The following RGS7 variants were observed in gnomAD, a reference collection of about 807,000 sequenced individuals.
RGS7 encodes the protein regulator of G protein signaling 7.
In RGS7, 27 loss-of-function variants were observed where a neutral mutation model predicts 81.1. The observed-to-expected ratio is 0.33, with a 90% CI of 0.25 to 0.46. The LOEUF (loss-of-function observed/expected upper bound fraction) is 0.46. Among genes scored for constraint, RGS7 ranks in the 20% least tolerant of loss-of-function variants. RGS7 has a pLI of 1.00. For missense variants in RGS7, 396 were observed against 607.4 expected (o/e 0.65, Z 3.66); for synonymous variants, 208 against 207.7 (o/e 1.00, Z -0.01).
At chr1:241,211,668 C>T (rs183488517) in intron 2 of RGS7, among the ~76,000 whole-genome samples, 2 of 152,222 alleles carry the variant, frequency 1.3e-5, no homozygotes, top group African/African-American at 2.4e-5. Flanking sequence ...AATTGAACTT[C>T]GAGCACTTTG....
intron 2 of RGS7, among the ~76,000 whole-genome samples, chr1:241,192,206 GTTT>G: frequency 7.4e-6 from 1 of 135,246 alleles, no homozygotes; most frequent in Non-Finnish European, 1.6e-5. Flanking sequence ...GTGTGTGTGT[GTTT>G]TGCTTTGATT....
chr1:240,936,556 C>A (rs373026370), intron 5 of RGS7, 44 bp downstream of exon 5: 38 of 1,411,538 alleles, frequency 2.7e-5, no homozygotes, highest in Non-Finnish European at 3.6e-5. Flanking sequence ...AAACGAAATG[C>A]GGGCTTCTAG....
intron 2 of RGS7, among the ~76,000 whole-genome samples, chr1:241,274,572 T>C (rs1391090649): frequency 6.6e-6 from 1 of 152,196 alleles, no homozygotes; most frequent in Non-Finnish European, 1.5e-5. Context: ...GCAGATATAA[T>C]TATGACATTA....
rs769211027 is a variant in RGS7 at position 241,163,358 on chromosome 1, A to T, written c.79-64596T>A. Reference sequence around the variant, plus strand: ...AAATATCTCAAAACATCCTTCTCGGACATATTTTGAGATGGATGTTCAGAG... The same window carrying T: ...AAATATCTCAAAACATCCTTCTCGGTCATATTTTGAGATGGATGTTCAGAG... On this transcript the variant is annotated intron_variant, in intron 2 of 18. Coordinates refer to ENST00000440928, the MANE Select transcript of RGS7 (RefSeq NM_001364886.1). The surrounding 1 kb of genome is among the most constrained non-coding windows in gnomAD (Gnocchi z 4.6). 2.6e-5 allele frequency among the ~76,000 whole-genome samples: 4 copies of T among 152,174 alleles called. No homozygotes were observed. Among genetic ancestry groups the T allele is most frequent in the South Asian group, 2.1e-4 (1 of 4,834 alleles).
chr1:241,329,947 T>G (rs2081867095), intron 2 of RGS7, among the ~76,000 whole-genome samples: 1 of 152,058 alleles, frequency 6.6e-6, no homozygotes, highest in Non-Finnish European at 1.5e-5. Context: ...TTGTTTTTTG[T>G]TTTTTGTTTT....
At chr1:240,995,708 CT>C (rs71172669) in intron 3 of RGS7, among the ~76,000 whole-genome samples, 69 of 139,764 alleles carry the variant, frequency 4.9e-4, no homozygotes, top group African/African-American at 7.7e-4. Context: ...TGTGTCTTTT[CT>C]TTTTTTTTTT....
At chr1:241,050,926 A>T (rs2061215708) in intron 3 of RGS7, among the ~76,000 whole-genome samples, 1 of 152,218 alleles carries the variant, frequency 6.6e-6, no homozygotes, top group Non-Finnish European at 1.5e-5. Context: ...ACAGTAAGTT[A>T]TTAGCAGCCA....
At chr1:240,904,202 T>C (rs972652884) in intron 6 of RGS7, among the ~76,000 whole-genome samples, 1 of 152,172 alleles carries the variant, frequency 6.6e-6, no homozygotes, top group Admixed American at 6.5e-5. Flanking sequence ...GAGAAAAGAA[T>C]AAAATTTATT....
At chr1:241,291,569 G>GTTTTTTTTT (rs2079087654) in intron 2 of RGS7, among the ~76,000 whole-genome samples, 3 of 28,858 alleles carry the variant, frequency 1.0e-4, no homozygotes, top group African/African-American at 3.0e-4. Context: ...AGAATTCCCA[G>GTTTTTTTTT]CTTTTTTTTT....
intron 2 of RGS7, among the ~76,000 whole-genome samples, chr1:241,152,722 C>T (rs1054342447): frequency 2.5e-4 from 38 of 152,126 alleles, no homozygotes; most frequent in African/African-American, 7.7e-4. Context: ...CCGCTTCTGC[C>T]GAGCATTTCG....
At chr1:241,139,216 C>T (rs2067743516) in intron 2 of RGS7, among the ~76,000 whole-genome samples, 2 of 150,674 alleles carry the variant, frequency 1.3e-5, no homozygotes, top group Non-Finnish European at 3.0e-5. Flanking sequence ...TTCTTCCTCC[C>T]TTCCTTCCTC....
intron 2 of RGS7, among the ~76,000 whole-genome samples, chr1:241,190,654 G>T (rs2072570041): frequency 6.6e-6 from 1 of 151,990 alleles, no homozygotes; most frequent in Non-Finnish European, 1.5e-5. Context: ...ACAGATTTTT[G>T]TATGTTTATC....
At chr1:240,829,652 C>T (rs1304313052) in intron 9 of RGS7, among the ~76,000 whole-genome samples, 1 of 152,094 alleles carries the variant, frequency 6.6e-6, no homozygotes, top group Non-Finnish European at 1.5e-5. Flanking sequence ...AAGCACAGTG[C>T]CAGGTGCAGT....
chr1:241,151,313 A>G (rs1558132053), intron 2 of RGS7, among the ~76,000 whole-genome samples: 1 of 152,188 alleles, frequency 6.6e-6, no homozygotes, highest in African/African-American at 2.4e-5. Flanking sequence ...TGGCCTGAAG[A>G]GAGGGCAACA....
At chr1:240,893,735 T>G (rs1668620363) in intron 6 of RGS7, among the ~76,000 whole-genome samples, 1 of 152,208 alleles carries the variant, frequency 6.6e-6, no homozygotes, top group African/African-American at 2.4e-5. Flanking sequence ...CAACTTCCAT[T>G]GCAATTTCTT....
chr1:240,813,855 A>G (rs577675646), intron 12 of RGS7, 127 bp from the exon 13 acceptor site: 4 of 693,528 alleles, frequency 5.8e-6, no homozygotes, highest in African/African-American at 1.8e-5. Context: ...ATGAAATCCA[A>G]TGGCAATCTT....
intron 10 of RGS7, among the ~76,000 whole-genome samples, chr1:240,818,825 T>C (rs1006429159): frequency 8.5e-5 from 13 of 152,202 alleles, no homozygotes; most frequent in African/African-American, 3.1e-4. Flanking sequence ...GGGTACAAAG[T>C]TAGTTAGTTA....
At chr1:240,795,759 A>G (rs752327834) in intron 18 of RGS7, among the ~76,000 whole-genome samples, 1 of 152,218 alleles carries the variant, frequency 6.6e-6, no homozygotes, top group Non-Finnish European at 1.5e-5. Flanking sequence ...ATTATTTGGA[A>G]GACATTTACA....
intron 2 of RGS7, among the ~76,000 whole-genome samples, chr1:241,166,457 G>A (rs75584388): frequency 0.016 from 2,399 of 152,292 alleles, 71 homozygotes; most frequent in African/African-American, 0.055. Flanking sequence ...ACAAGAGCTG[G>A]GGCTGAGAAT....
Sources: gnomAD v4.1 joint callset for allele counts (sites outside exome capture counted in the v4.1 genomes callset) on GRCh38, gnomAD v4.1.1 for gene constraint, Gnocchi (gnomAD v3.1) non-coding constraint, MANE v1.5 for transcripts, NCBI Gene and HGNC (gene_info 2026-07-23, HGNC 2026-07-21) for gene names.